The following VTI1A variants were observed in gnomAD, a reference collection of about 807,000 sequenced individuals.
VTI1A encodes vesicle transport through interaction with t-SNAREs 1A.
VTI1A carries 22 observed loss-of-function variants against 34.9 expected under a neutral mutation model. That is an observed-to-expected ratio of 0.63 (90% CI 0.45 to 0.90). The LOEUF (loss-of-function observed/expected upper bound fraction) is 0.90, where lower values mean the gene tolerates loss of function less well. Among genes scored for constraint, VTI1A ranks in the 40% least tolerant of loss-of-function variants. The pLI is 0.00. For missense variants in VTI1A, 268 were observed against 275.6 expected (o/e 0.97, Z 0.20); for synonymous variants, 87 against 97.3 (o/e 0.89, Z 0.62).
At chr10:112,587,321 G>A (rs1450708736) in intron 5 of VTI1A, among the ~76,000 whole-genome samples, 1 of 152,004 alleles carries the variant, frequency 6.6e-6, no homozygotes, top group East Asian at 1.9e-4. Context: ...AGTCACTGTG[G>A]AAAACTTCAG....
intron 5 of VTI1A, among the ~76,000 whole-genome samples, chr10:112,629,004 CTT>C (rs1436435814): frequency 2.0e-5 from 3 of 152,216 alleles, no homozygotes; most frequent in Non-Finnish European, 4.4e-5. Flanking sequence ...CATTACCTCT[CTT>C]ATCATCTTTC....
At chr10:112,519,337 T>G (rs1849925952) in intron 3 of VTI1A, among the ~76,000 whole-genome samples, 1 of 152,118 alleles carries the variant, frequency 6.6e-6, no homozygotes, top group Admixed American at 6.6e-5. Flanking sequence ...AGATTAATCT[T>G]GAAACTTGTC....
chr10:112,673,468 G>GCGCACACA (rs1554938762), intron 7 of VTI1A, among the ~76,000 whole-genome samples: 1,867 of 151,648 alleles, frequency 0.012, 31 homozygotes, highest in East Asian at 0.074. Flanking sequence ...GCGTGCGCGC[G>GCGCACACA]CACACACACA....
chr10:112,741,681 G>A (rs2133977430), intron 7 of VTI1A, among the ~76,000 whole-genome samples: 1 of 152,214 alleles, frequency 6.6e-6, no homozygotes, highest in African/African-American at 2.4e-5. Flanking sequence ...ATTTGAAGGT[G>A]AGTTTTTAAA....
At chr10:112,842,915 C>T in the VTI1A span, among the ~76,000 whole-genome samples, 1 of 152,186 alleles carries the variant, frequency 6.6e-6, no homozygotes, top group Non-Finnish European at 1.5e-5. Flanking sequence ...GAATTGGATA[C>T]TTACACAATC....
At chr10:112,498,998 G>C (rs1342030661) in intron 3 of VTI1A, among the ~76,000 whole-genome samples, 3 of 152,122 alleles carry the variant, frequency 2.0e-5, no homozygotes, top group Admixed American at 6.5e-5. Flanking sequence ...TCATTCATCT[G>C]CTAGATGTCA....
At chr10:112,526,841 G>GA (rs1236367409) in intron 3 of VTI1A, among the ~76,000 whole-genome samples, 2 of 152,136 alleles carry the variant, frequency 1.3e-5, no homozygotes, top group Non-Finnish European at 2.9e-5. Context: ...TACAAGTTCA[G>GA]ATGCGTTTAT....
the VTI1A span, among the ~76,000 whole-genome samples, chr10:112,842,562 A>C: frequency 6.6e-6 from 1 of 152,242 alleles, no homozygotes; most frequent in East Asian, 1.9e-4. Context: ...TCTGGGCCTC[A>C]GTTTTTCCCA....
chr10:112,488,103 A>AT (rs1234298748), intron 3 of VTI1A, among the ~76,000 whole-genome samples: 2 of 152,192 alleles, frequency 1.3e-5, no homozygotes, highest in South Asian at 2.1e-4. Context: ...CATACTTCCA[A>AT]TTTAATTTAA....
At chr10:112,631,484 C>T (rs1846129499) in intron 5 of VTI1A, among the ~76,000 whole-genome samples, 1 of 152,168 alleles carries the variant, frequency 6.6e-6, no homozygotes, top group African/African-American at 2.4e-5. Context: ...TTCATCTATT[C>T]TGGATATTCC....
At chr10:112,528,519 C>T (rs1850317895) in intron 4 of VTI1A, among the ~76,000 whole-genome samples, 1 of 151,780 alleles carries the variant, frequency 6.6e-6, no homozygotes, top group Non-Finnish European at 1.5e-5. Context: ...AAAAATAGCA[C>T]ATCAAACATA....
At chr10:112,819,753 G>A (rs935330170), downstream of VTI1A, among the ~76,000 whole-genome samples, 12 of 152,096 alleles carry the variant, frequency 7.9e-5, no homozygotes, top group East Asian at 7.7e-4. Context: ...ATCCTAAATC[G>A]GAAGTCAGTG....
chr10:112,683,888 C>G (rs975553634), intron 7 of VTI1A, among the ~76,000 whole-genome samples: 1 of 152,040 alleles, frequency 6.6e-6, no homozygotes, highest in Non-Finnish European at 1.5e-5. Context: ...ACTAAAAGTA[C>G]AAAAATTGGC....
In VTI1A at chr10:112,817,566, G is replaced by A. The variant is rs1423458079; in HGVS notation, c.*2183G>A. 7 of 229,304 alleles carry A rather than the reference G, an allele frequency of 3.1e-5. No individual in the cohort carries two copies. The highest frequency in any genetic ancestry group is 6.1e-5 in the Non-Finnish European group (7 of 115,604). The allele number at this position is 229,304 out of a possible 1,614,324, so 14.2% of individuals were successfully genotyped here. Reference sequence around the variant, plus strand: ...ACAGCTCCATCAAACCTCCTTGAGAGCAACTACCTAGGCCAGGCTAGTGAG... The same window carrying A: ...ACAGCTCCATCAAACCTCCTTGAGAACAACTACCTAGGCCAGGCTAGTGAG... On this transcript the variant is annotated 3_prime_UTR_variant, in exon 8 of 8. Coordinates refer to ENST00000393077, the MANE Select transcript of VTI1A (RefSeq NM_145206.4).
chr10:112,594,688 A>C (rs1331582581), intron 5 of VTI1A, among the ~76,000 whole-genome samples: 1 of 152,170 alleles, frequency 6.6e-6, no homozygotes, highest in Non-Finnish European at 1.5e-5. Flanking sequence ...AGAACATTCC[A>C]TGCTCATGGG....
At chr10:112,543,230 C>G (rs964741412) in intron 5 of VTI1A, among the ~76,000 whole-genome samples, 2 of 152,124 alleles carry the variant, frequency 1.3e-5, no homozygotes, top group Non-Finnish European at 2.9e-5. Context: ...ATTTCTAGTT[C>G]TAGATCCTTG....
chr10:112,617,574 A>G (rs745426163), intron 5 of VTI1A, among the ~76,000 whole-genome samples: 15 of 152,112 alleles, frequency 9.9e-5, no homozygotes, highest in Admixed American at 1.3e-4. Flanking sequence ...CCTTCTGACT[A>G]TTTTGCTTTG....
At chr10:112,844,973 C>A in the VTI1A span, among the ~76,000 whole-genome samples, 11 of 152,142 alleles carry the variant, frequency 7.2e-5, no homozygotes, top group Non-Finnish European at 1.6e-4. Context: ...GAATAGGAAC[C>A]CTTCTGTTCC....
At chr10:112,472,333 T>C (rs1412746653) in intron 3 of VTI1A, among the ~76,000 whole-genome samples, 3 of 152,172 alleles carry the variant, frequency 2.0e-5, no homozygotes, top group Non-Finnish European at 4.4e-5. Context: ...GCACTTCTAT[T>C]GACAGTCTCA....
Sources: allele counts gnomAD v4.1 joint callset (sites outside exome capture counted in the v4.1 genomes callset), GRCh38; gene constraint gnomAD v4.1.1; transcripts MANE v1.5; gene names NCBI Gene and HGNC (gene_info 2026-07-23, HGNC 2026-07-21).